Variants in TRAM2 observed in about 807,000 individuals in gnomAD.
TRAM2 encodes translocating chain-associated membrane protein 2.
In TRAM2, 12 loss-of-function variants were observed where a neutral mutation model predicts 51.0. The observed-to-expected ratio is 0.24, with a 90% CI of 0.15 to 0.38. The LOEUF is 0.38. Ranked by LOEUF, TRAM2 falls within the 10% of genes least tolerant of loss-of-function variation. The pLI, the probability that TRAM2 is intolerant of heterozygous loss-of-function variation, is 1.00. For synonymous variants in TRAM2, 175 were observed against 179.4 expected (o/e 0.98, Z 0.20); for missense variants, 361 against 462.0 (o/e 0.78, Z 2.00).
In TRAM2 at chr6:52,508,297, G is replaced by A. The variant is rs575234264; in HGVS notation, c.492C>T (p.Tyr164=). Residue 164 remains tyrosine (Y), a synonymous_variant, in exon 6 of 11, where the codon TAC becomes TAT. Transcript: ENST00000182527. ...GCAGCCAGTAGGCCAGCTGGCATAG[G>A]TAGAAAAACTTCACCTGGAAGCTGG... is the stretch of plus-strand genomic sequence containing the variant. ...VHLPFQVKFF[Y]LCQLAYWLHA... 3.2e-5 allele frequency: 52 copies of A among 1,613,880 alleles called. 1 individual carries two copies. In the South Asian group the frequency reaches 5.7e-4, roughly 18 times the overall value.
At chr6:52,530,726 C>A (rs1418396969) in intron 2 of TRAM2, among the ~76,000 whole-genome samples, 1 of 152,160 alleles carries the variant, frequency 6.6e-6, no homozygotes, top group Non-Finnish European at 1.5e-5. Flanking sequence ...AGCGCGGCCC[C>A]TCTGCTGGCC....
intron 1 of TRAM2, among the ~76,000 whole-genome samples, chr6:52,552,445 C>G (rs930911909): frequency 3.3e-5 from 5 of 152,224 alleles, no homozygotes; most frequent in African/African-American, 1.2e-4. Flanking sequence ...TAAGAGGAAG[C>G]AGAAGGGAGA....
chr6:52,561,306 G>A (rs964583549), intron 1 of TRAM2, among the ~76,000 whole-genome samples: 1 of 152,116 alleles, frequency 6.6e-6, no homozygotes, highest in Admixed American at 6.5e-5. Context: ...TTGTAGAGAC[G>A]GAGCCTCGCT....
At chr6:52,517,558 G>T (rs1293037726) in intron 2 of TRAM2, among the ~76,000 whole-genome samples, 1 of 152,212 alleles carries the variant, frequency 6.6e-6, no homozygotes, top group Non-Finnish European at 1.5e-5. Context: ...GTGAAACTCC[G>T]CCATTGCAGC....
intron 1 of TRAM2, among the ~76,000 whole-genome samples, chr6:52,573,069 A>T (rs1270979323): frequency 6.6e-6 from 1 of 152,148 alleles, no homozygotes; most frequent in Non-Finnish European, 1.5e-5. Flanking sequence ...AGAGCCTGTA[A>T]ATGAGCTTAA....
At chr6:52,563,514 TC>T (rs1292163143) in intron 1 of TRAM2, among the ~76,000 whole-genome samples, 1 of 151,292 alleles carries the variant, frequency 6.6e-6, no homozygotes, top group Non-Finnish European at 1.5e-5. Flanking sequence ...GGTCAGGAGA[TC>T]GAGACCATCC....
chr6:52,516,268 T>C (rs1354294284), intron 3 of TRAM2, 146 bp from the exon 4 acceptor site: 2 of 728,668 alleles, frequency 2.7e-6, no homozygotes, highest in Admixed American at 4.7e-5. Flanking sequence ...GGTGTAAGCC[T>C]ACTGCGTGCA....
chr6:52,504,530 T>C lies in TRAM2; in HGVS notation c.1039+61A>G, dbSNP rs531449042. On this transcript the variant is annotated intron_variant, in intron 10 of 10. Transcript: ENST00000182527. ...CCAAGAAGCCAGGTGCCTTGGCTCC[T>C]CCCACCCATCCCAGACAGACTTCCC... 536 of 1,602,576 alleles carry C rather than the reference T, an allele frequency of 3.3e-4. 1 individual carries two copies. The highest frequency in any genetic ancestry group is 4.4e-4 in the Non-Finnish European group (513 of 1,173,782).
rs111311838 is a variant in TRAM2 at position 52,518,549 on chromosome 6, C to T, written c.185-1812G>A. Among the ~76,000 whole-genome samples, 806 of 152,230 alleles carry T rather than the reference C, an allele frequency of 5.3e-3. 6 individuals are homozygous for T. Among genetic ancestry groups the T allele is most frequent in the African/African-American group, 0.018 (761 of 41,528 alleles). On this transcript the variant is annotated intron_variant, in intron 2 of 10. Coordinates refer to ENST00000182527, the MANE Select transcript of TRAM2 (RefSeq NM_012288.4). ...CGGTTAGAAAGCTGTTCCTGTGATCCAGGTAAGAAGCCACAGGGCCTGAAT... is the reference window on the plus strand; with the variant it reads ...CGGTTAGAAAGCTGTTCCTGTGATCTAGGTAAGAAGCCACAGGGCCTGAAT...
At chr6:52,575,748 C>T (rs901638858) in intron 1 of TRAM2, among the ~76,000 whole-genome samples, 6 of 152,156 alleles carry the variant, frequency 3.9e-5, no homozygotes, top group Non-Finnish European at 8.8e-5. Context: ...AGCAAGCTGA[C>T]GCAGAAGGGA....
intron 1 of TRAM2, among the ~76,000 whole-genome samples, chr6:52,544,796 T>C (rs1047570663): frequency 6.6e-6 from 1 of 151,964 alleles, no homozygotes; most frequent in African/African-American, 2.4e-5. Context: ...AGAAGGAAAA[T>C]AACAACATAA....
chr6:52,546,559 G>T (rs1011076388), intron 1 of TRAM2, among the ~76,000 whole-genome samples: 3 of 152,206 alleles, frequency 2.0e-5, no homozygotes, highest in African/African-American at 7.2e-5. Context: ...CAAAAGACTT[G>T]ATGGCACAAT....
At chr6:52,515,154 C>T (rs1041979067) in intron 4 of TRAM2, among the ~76,000 whole-genome samples, 13 of 152,108 alleles carry the variant, frequency 8.5e-5, no homozygotes, top group African/African-American at 3.1e-4. Flanking sequence ...CTGTGGAAGG[C>T]CGGGAAGGAA....
chr6:52,511,113 GT>G (rs148430234), intron 4 of TRAM2, among the ~76,000 whole-genome samples: 1 of 152,122 alleles, frequency 6.6e-6, no homozygotes, highest in Non-Finnish European at 1.5e-5. Context: ...GTTTTGTTTT[GT>G]TTTTTTGATA....
chr6:52,556,538 CCA>C (rs1767409496), intron 1 of TRAM2, among the ~76,000 whole-genome samples: 1 of 151,948 alleles, frequency 6.6e-6, no homozygotes, highest in South Asian at 2.1e-4. Context: ...CGCCTTGCCC[CCA>C]CAGAGTGTTG....
At position 52,498,283 on chromosome 6, in the gene TRAM2, G is replaced by A. The variant is rs1318276521; in HGVS notation, c.*4914C>T. The A allele has an allele frequency of 1.3e-5, 2 of 152,584 alleles. No homozygotes were observed. Among genetic ancestry groups the A allele is most frequent in the African/African-American group, 4.8e-5 (2 of 41,416 alleles). 9.5% of individuals were successfully genotyped at this position (152,584 alleles called of 1,614,324 possible). A position where few individuals can be genotyped will look rare whatever the true frequency, so the allele number is the denominator to read the frequency against. ...CACAACCCGGAAGAGTGAGAAAAAC[G>A]TGGGCGGGCAAGGGGTAGGGGAGAG... is the stretch of plus-strand genomic sequence containing the variant. On this transcript the variant is annotated 3_prime_UTR_variant, in exon 11 of 11. Transcript: ENST00000182527.
chr6:52,522,697 C>T (rs1766699120), intron 2 of TRAM2, among the ~76,000 whole-genome samples: 1 of 152,224 alleles, frequency 6.6e-6, no homozygotes, highest in Admixed American at 6.5e-5. Context: ...GTTATCCCAC[C>T]TCCCATCAAA....
intron 7 of TRAM2, 75 bp downstream of exon 7, chr6:52,507,478 A>C: frequency 6.8e-7 from 1 of 1,461,298 alleles, no homozygotes. Context: ...ATGCCTGATA[A>C]TTATATGAGT....
Position 52,545,909 on chromosome 6 carries a change from C to T in TRAM2, c.121-10063G>A, listed in dbSNP as rs942094802. On this transcript the variant is annotated intron_variant, in intron 1 of 10. Coordinates refer to ENST00000182527, the MANE Select transcript of TRAM2 (RefSeq NM_012288.4). ...TCAGGAATTTTGCTCCAACCCCACACCCAGCACCACCATCCCAGGTAGGAA... is the reference window on the plus strand; with the variant it reads ...TCAGGAATTTTGCTCCAACCCCACATCCAGCACCACCATCCCAGGTAGGAA... 3.9e-5 allele frequency among the ~76,000 whole-genome samples: 6 copies of T among 152,274 alleles called. No individual in the cohort carries two copies. In the East Asian group the frequency reaches 1.2e-3, roughly 29 times the overall value.
Sources: gnomAD v4.1 joint callset for allele counts (sites outside exome capture counted in the v4.1 genomes callset) on GRCh38, gnomAD v4.1.1 for gene constraint, MANE v1.5 for transcripts, NCBI Gene and HGNC (gene_info 2026-07-23, HGNC 2026-07-21) for gene names.